RALGAPA2: variants seen among roughly 807,000 people sequenced by gnomAD.
RALGAPA2 encodes the protein ral GTPase-activating protein subunit alpha-2.
RALGAPA2 carries 139 observed loss-of-function variants against 230.4 expected under a neutral mutation model. The ratio of observed to expected loss-of-function variants is 0.60; its 90% confidence interval spans 0.53 to 0.69. RALGAPA2 has a LOEUF of 0.69. Ranked by LOEUF, RALGAPA2 falls within the 30% of genes least tolerant of loss-of-function variation. The pLI is 0.00. For synonymous variants in RALGAPA2, 847 were observed against 837.8 expected, an observed-to-expected ratio of 1.01 and a Z score of -0.19; for missense variants, 2,163 against 2,276.0, an observed-to-expected ratio of 0.95 and a Z score of 1.01.
chr20:20,450,872 A>C (rs1366121010), intron 37 of RALGAPA2, among the ~76,000 whole-genome samples: 1 of 152,252 alleles, frequency 6.6e-6, no homozygotes, highest in Non-Finnish European at 1.5e-5. Flanking sequence ...CTACTGACCA[A>C]GAGTTCAGGC....
intron 1 of RALGAPA2, among the ~76,000 whole-genome samples, chr20:20,696,426 T>C (rs1229336190): frequency 6.6e-6 from 1 of 152,164 alleles, no homozygotes; most frequent in East Asian, 1.9e-4. Flanking sequence ...ACCAAGCAAG[T>C]GTAGTCTCTA....
intron 13 of RALGAPA2, among the ~76,000 whole-genome samples, chr20:20,614,837 C>T (rs775742566): frequency 6.2e-4 from 94 of 152,278 alleles, no homozygotes; most frequent in East Asian, 1.2e-3. Flanking sequence ...CAAGGGCCTC[C>T]AGAATACAGG....
At chr20:20,526,799 A>G (rs549135260) in intron 27 of RALGAPA2, among the ~76,000 whole-genome samples, 1 of 152,350 alleles carries the variant, frequency 6.6e-6, no homozygotes, top group East Asian at 1.9e-4. Context: ...CATTTTACAC[A>G]TGGAGAAACA....
intron 36 of RALGAPA2, among the ~76,000 whole-genome samples, chr20:20,476,111 T>C (rs2061645115): frequency 6.6e-6 from 1 of 152,204 alleles, no homozygotes; most frequent in Non-Finnish European, 1.5e-5. Flanking sequence ...ACAATGTTCA[T>C]GGACTGGAAG....
In RALGAPA2 at chr20:20,712,354, C is replaced by G. The variant is rs906704296; in HGVS notation, c.106+21G>C. ...GCCCCTAACCCGGCGCCCCGACCCC[C>G]GCGCCCGGCGCGCGCCTCACCCAGC... is the stretch of plus-strand genomic sequence containing the variant. On this transcript the variant is annotated intron_variant, in intron 1 of 39. Transcript: ENST00000202677. The surrounding 1 kb of genome is among the most constrained non-coding windows in gnomAD (Gnocchi z 5.5). 34 of 1,544,966 alleles carry G rather than the reference C, an allele frequency of 2.2e-5. No homozygotes were observed. The highest frequency in any genetic ancestry group is 3.0e-5 in the Non-Finnish European group (34 of 1,144,156).
rs2062747007 is a variant in RALGAPA2 at position 20,512,632 on chromosome 20, G to C, written c.4737C>G (p.Asn1579Lys). ...TGGTGACTTTCATTGCAGAATCGAAGTTATGACTCTGGATATACTCATCCT... is the reference window on the plus strand; with the variant it reads ...TGGTGACTTTCATTGCAGAATCGAACTTATGACTCTGGATATACTCATCCT... ...AQEDEYIQSH[N>K]FDSAMKVTSQ... Residue 1579 changes from asparagine (N) to lysine (K), a missense_variant, in exon 32 of 40, where the codon AAC (asparagine) becomes AAG (lysine). By Grantham distance (94) the Asn-to-Lys change is moderately conservative. Coordinates refer to ENST00000202677, the MANE Select transcript of RALGAPA2 (RefSeq NM_020343.4). The C allele has an allele frequency of 1.2e-6, 2 of 1,613,950 alleles. No individual in the cohort carries two copies. The highest frequency in any genetic ancestry group is 1.7e-6 in the Non-Finnish European group (2 of 1,179,888).
intron 1 of RALGAPA2, among the ~76,000 whole-genome samples, chr20:20,682,498 C>G (rs1454762546): frequency 2.6e-5 from 4 of 152,154 alleles, no homozygotes; most frequent in Non-Finnish European, 5.9e-5. Context: ...CCTCACTAGT[C>G]AGCTAAAACA....
chr20:20,643,006 T>C lies in RALGAPA2; in HGVS notation c.372+500A>G, dbSNP rs539754845. 3.9e-5 allele frequency among the ~76,000 whole-genome samples: 6 copies of C among 152,300 alleles called. No individual in the cohort carries two copies. In the South Asian group the frequency reaches 1.0e-3, roughly 26 times the overall value. ...ACATATCCATTTCAAAATAAACCAA[T>C]TTTAACCTATAAATCTGCCACAAAT... is the stretch of plus-strand genomic sequence containing the variant. On this transcript the variant is annotated intron_variant, in intron 5 of 39. Transcript: ENST00000202677.
chr20:20,410,949 C>A (rs183332514), intron 38 of RALGAPA2, among the ~76,000 whole-genome samples: 1 of 152,310 alleles, frequency 6.6e-6, no homozygotes, highest in Non-Finnish European at 1.5e-5. Flanking sequence ...TCCCTCTTAT[C>A]TCCCAACAAA....
intron 38 of RALGAPA2, among the ~76,000 whole-genome samples, chr20:20,400,918 T>C (rs184122928): frequency 1.4e-4 from 22 of 152,294 alleles, no homozygotes; most frequent in African/African-American, 5.3e-4. Flanking sequence ...AAGAAAGAAG[T>C]CAGCCACCAA....
intron 37 of RALGAPA2, among the ~76,000 whole-genome samples, chr20:20,422,310 G>A (rs1473810506): frequency 6.6e-6 from 1 of 152,058 alleles, no homozygotes; most frequent in Non-Finnish European, 1.5e-5. Flanking sequence ...TAAAATAAAT[G>A]CCCCCAGGCT....
chr20:20,496,677 T>C (rs2062215029), intron 35 of RALGAPA2, among the ~76,000 whole-genome samples: 1 of 152,240 alleles, frequency 6.6e-6, no homozygotes, highest in South Asian at 2.1e-4. Flanking sequence ...AAAAAGGTGT[T>C]CTGGAATACT....
chr20:20,571,267 G>A (rs1229107910), intron 23 of RALGAPA2, among the ~76,000 whole-genome samples, 191 bp downstream of exon 23: 1 of 152,212 alleles, frequency 6.6e-6, no homozygotes, highest in Non-Finnish European at 1.5e-5. Flanking sequence ...AGTCAGTGGG[G>A]AGAAGAAGCA....
intron 36 of RALGAPA2, among the ~76,000 whole-genome samples, chr20:20,494,473 G>A (rs2062148256): frequency 6.6e-6 from 1 of 152,198 alleles, no homozygotes; most frequent in African/African-American, 2.4e-5. Context: ...GGTATGACAA[G>A]GATCGAAACT....
intron 13 of RALGAPA2, among the ~76,000 whole-genome samples, chr20:20,614,720 C>A (rs1310374060): frequency 6.6e-6 from 1 of 152,198 alleles, no homozygotes; most frequent in African/African-American, 2.4e-5. Flanking sequence ...CTTTGAAGAA[C>A]AAGAATTGGA....
chr20:20,463,559 A>G (rs2061350086), intron 37 of RALGAPA2, among the ~76,000 whole-genome samples: 1 of 152,242 alleles, frequency 6.6e-6, no homozygotes, highest in Admixed American at 6.5e-5. Context: ...CATTAGGATT[A>G]TAAAAAGTCT....
rs1318224945 is a variant in RALGAPA2 at position 20,567,806 on chromosome 20, C to T, written c.3156+3652G>A. 2.7e-5 allele frequency among the ~76,000 whole-genome samples: 4 copies of T among 148,824 alleles called. No individual in the cohort carries two copies. The South Asian group carries it at 6.3e-4, about 24-fold the overall frequency. The stretch of plus-strand genomic sequence containing the variant: ...CCAGTGAGCTATGATTGTGTCACTG[C>T]GCTCCAGCCTGGGCAATGGAGCGAT... On this transcript the variant is annotated intron_variant, in intron 23 of 39. Transcript: ENST00000202677.
At chr20:20,633,985 T>C (rs1189227952) in intron 9 of RALGAPA2, among the ~76,000 whole-genome samples, 1 of 152,226 alleles carries the variant, frequency 6.6e-6, no homozygotes, top group Non-Finnish European at 1.5e-5. Context: ...CAGATTTGAT[T>C]AGATGTTCAA....
At chr20:20,441,095 A>T (rs59758939) in intron 37 of RALGAPA2, among the ~76,000 whole-genome samples, 3,267 of 152,262 alleles carry the variant, frequency 0.021, 121 homozygotes, top group African/African-American at 0.075. Context: ...CTTAACATGC[A>T]CCAACACTTG....
Sources: gnomAD v4.1 joint callset for allele counts (sites outside exome capture counted in the v4.1 genomes callset) on GRCh38, gnomAD v4.1.1 for gene constraint, Gnocchi (gnomAD v3.1) non-coding constraint, MANE v1.5 for transcripts, NCBI Gene and HGNC (gene_info 2026-07-23, HGNC 2026-07-21) for gene names.